HTR2A: variants seen among roughly 807,000 people sequenced by gnomAD.
HTR2A encodes 5-hydroxytryptamine receptor 2A.
Under a neutral mutation model 31.0 loss-of-function variants are expected in HTR2A, and 14 were observed. The ratio of observed to expected loss-of-function variants is 0.45; its 90% CI spans 0.30 to 0.71. The LOEUF is 0.71. Among genes scored for constraint, HTR2A ranks in the 30% least tolerant of loss-of-function variants. The probability of loss-of-function intolerance (pLI) is 0.09; values close to 1 mark genes in which losing one functional copy is unlikely to be tolerated. For synonymous variants in HTR2A, 209 were observed against 225.2 expected (o/e 0.93, Z 0.64); for missense variants, 442 against 573.3 (o/e 0.77, Z 2.34).
At chr13:46,836,197 TCTA>T (rs1215996744) in intron 3 of HTR2A, among the ~76,000 whole-genome samples, 1 of 151,628 alleles carries the variant, frequency 6.6e-6, no homozygotes, top group African/African-American at 2.4e-5. Flanking sequence ...TTTTAAAAAA[TCTA>T]ATAATATGTC....
At chr13:46,892,694 G>A (rs913566843) in intron 2 of HTR2A, 104 bp from the exon 3 acceptor site, 1 of 853,440 alleles carries the variant, frequency 1.2e-6, no homozygotes, top group Non-Finnish European at 1.9e-6. Flanking sequence ...CACAGGTGGT[G>A]GCAAAGGGCA....
At chr13:46,871,367 A>G (rs1196204494) in intron 3 of HTR2A, among the ~76,000 whole-genome samples, 3 of 152,224 alleles carry the variant, frequency 2.0e-5, no homozygotes, top group African/African-American at 7.2e-5. Context: ...ACTTGAAGCA[A>G]GAGGCTGGAT....
chr13:46,841,732 G>T (rs1424317956), intron 3 of HTR2A, among the ~76,000 whole-genome samples: 1 of 151,962 alleles, frequency 6.6e-6, no homozygotes, highest in African/African-American at 2.4e-5. Flanking sequence ...TAGCCTAGAG[G>T]TTGTGCTTCA....
In HTR2A at chr13:46,859,185, T is replaced by C. The variant is rs143843440; in HGVS notation, c.614-23546A>G. On this transcript the variant is annotated intron_variant, in intron 3 of 3. Coordinates refer to ENST00000542664, the MANE Select transcript of HTR2A (RefSeq NM_000621.5). ...CCCAAATAATCAGATATCTAAAATC[T>C]TGTGTTGAAGAGAAGTACCTATAAT... Among the ~76,000 whole-genome samples, 10 of 152,262 alleles carry C rather than the reference T, an allele frequency of 6.6e-5. No individual in the cohort carries two copies. The East Asian group carries it at 1.9e-3, about 29-fold the overall frequency.
chr13:46,865,908 C>G (rs915266055), intron 3 of HTR2A, among the ~76,000 whole-genome samples: 2 of 152,078 alleles, frequency 1.3e-5, no homozygotes, highest in Non-Finnish European at 2.9e-5. Flanking sequence ...TTGAAGTGGT[C>G]CTAGATGTTG....
At chr13:46,887,809 A>C (rs1237958657) in intron 3 of HTR2A, among the ~76,000 whole-genome samples, 1 of 152,078 alleles carries the variant, frequency 6.6e-6, no homozygotes, top group Non-Finnish European at 1.5e-5. Context: ...AAAATGTACA[A>C]AATGTAGAAG....
At chr13:46,873,000 C>A (rs1382181649) in intron 3 of HTR2A, among the ~76,000 whole-genome samples, 5 of 152,226 alleles carry the variant, frequency 3.3e-5, no homozygotes, top group Non-Finnish European at 7.3e-5. Flanking sequence ...AGTGATTCTT[C>A]TGCCTCAGTA....
At chr13:46,865,594 G>A (rs1950812564) in intron 3 of HTR2A, among the ~76,000 whole-genome samples, 1 of 152,196 alleles carries the variant, frequency 6.6e-6, no homozygotes, top group African/African-American at 2.4e-5. Context: ...TGTGACGGAA[G>A]GGTTCCATAT....
intron 3 of HTR2A, among the ~76,000 whole-genome samples, chr13:46,879,323 C>T (rs1214776124): frequency 6.6e-6 from 1 of 152,142 alleles, no homozygotes; most frequent in African/African-American, 2.4e-5. Flanking sequence ...TTGTGTATTA[C>T]CTGAATGAAT....
chr13:46,892,712 A>G, intron 2 of HTR2A, 122 bp from the exon 3 acceptor site: 4 of 729,598 alleles, frequency 5.5e-6, no homozygotes, highest in South Asian at 3.5e-5. Flanking sequence ...GCAACACAAT[A>G]TATTTTTAGT....
At chr13:46,878,476 G>A (rs530032487) in intron 3 of HTR2A, among the ~76,000 whole-genome samples, 1 of 152,202 alleles carries the variant, frequency 6.6e-6, no homozygotes, top group South Asian at 2.1e-4. Context: ...TTGAAGCCCT[G>A]GGAAGCACTT....
Position 46,835,182 on chromosome 13 carries a change from G to A in HTR2A, c.1071C>T (p.Val357=), listed in dbSNP as rs1164919518. The change falls in exon 4 of 4, where the codon GTC becomes GTT. Residue 357 remains valine (V), a synonymous_variant. Coordinates refer to ENST00000542664, the MANE Select transcript of HTR2A (RefSeq NM_000621.5). Reference sequence around the variant, plus strand: ...CAAACACATTGAGCAGGGCCCCAATGACATCCTCATTGCAGGACTCTTTGC... The same window carrying A: ...CAAACACATTGAGCAGGGCCCCAATAACATCCTCATTGCAGGACTCTTTGC... The part of the protein sequence containing the change: ...VICKESCNED[V]IGALLNVFVW... 9 of 1,614,098 alleles carry A rather than the reference G, an allele frequency of 5.6e-6. No individual in the cohort carries two copies. The highest frequency in any genetic ancestry group is 7.6e-6 in the Non-Finnish European group (9 of 1,179,990).
rs1876266915 is a variant in HTR2A, at chr13:46,832,111, TC to T, written c.*2725del. ...TATATGTGGACCATTGTTTTCGCCA[TC>T]CTCATAGACTTGTCTTAAAGTTCTT... On this transcript the variant is annotated 3_prime_UTR_variant, in exon 4 of 4. Coordinates refer to ENST00000542664, the MANE Select transcript of HTR2A (RefSeq NM_000621.5). 1 of 152,252 alleles carries T rather than the reference TC, an allele frequency of 6.6e-6. No homozygotes were observed. The highest frequency in any genetic ancestry group is 1.9e-4 in the East Asian group (1 of 5,204). 9.4% of individuals were successfully genotyped at this position (152,252 alleles called of 1,614,324 possible).
Position 46,895,287 on chromosome 13 carries a change from T to G in HTR2A, c.412+208A>C. 1 of 523,024 alleles carries G rather than the reference T, an allele frequency of 1.9e-6. No homozygotes were observed. The highest frequency in any genetic ancestry group is 3.4e-6 in the Non-Finnish European group (1 of 297,498). The allele number at this position is 523,024 out of a possible 1,614,324, so 32.4% of individuals were successfully genotyped here. ...GTACGCGTTTTGAAGCACAAAACTCTCCAGTGATCACAGGTCATAGACTGT... is the reference window on the plus strand; with the variant it reads ...GTACGCGTTTTGAAGCACAAAACTCGCCAGTGATCACAGGTCATAGACTGT... On this transcript the variant is annotated intron_variant, in intron 2 of 3. Transcript: ENST00000542664. The surrounding 1 kb of genome is among the most constrained non-coding windows in gnomAD (Gnocchi z 4.4).
chr13:46,837,401 C>G (rs906361010), intron 3 of HTR2A, among the ~76,000 whole-genome samples: 4 of 152,118 alleles, frequency 2.6e-5, no homozygotes, highest in African/African-American at 9.7e-5. Flanking sequence ...CTCTGTATAA[C>G]TTAGTTTAAG....
At chr13:46,849,983 A>G (rs17069005) in intron 3 of HTR2A, among the ~76,000 whole-genome samples, 16,070 of 152,288 alleles carry the variant, frequency 0.11, 892 homozygotes, top group East Asian at 0.17. Context: ...CAACATAAAA[A>G]GAAGAGGAGA....
At chr13:46,879,356 C>T (rs909935638) in intron 3 of HTR2A, among the ~76,000 whole-genome samples, 14 of 152,138 alleles carry the variant, frequency 9.2e-5, no homozygotes, top group African/African-American at 3.1e-4. Flanking sequence ...AATAGTCTTT[C>T]GGATTCAACT....
At chr13:46,878,597 G>A (rs1173235823) in intron 3 of HTR2A, among the ~76,000 whole-genome samples, 2 of 152,028 alleles carry the variant, frequency 1.3e-5, no homozygotes, top group Non-Finnish European at 2.9e-5. Flanking sequence ...GTAGAGAATG[G>A]GTCTCTGGAG....
At chr13:46,858,558 C>T (rs919623152) in intron 3 of HTR2A, among the ~76,000 whole-genome samples, 2 of 152,070 alleles carry the variant, frequency 1.3e-5, no homozygotes, top group Non-Finnish European at 2.9e-5. Flanking sequence ...GAAACCTGAT[C>T]ATATTTGGGT....
Sources: allele counts gnomAD v4.1 joint callset (sites outside exome capture counted in the v4.1 genomes callset), GRCh38; gene constraint gnomAD v4.1.1; non-coding constraint Gnocchi (gnomAD v3.1); transcripts MANE v1.5; gene names NCBI Gene and HGNC (gene_info 2026-07-23, HGNC 2026-07-21).